CDK19: variants seen among roughly 807,000 people sequenced by gnomAD.
CDK19 encodes the protein cyclin dependent kinase 19, also known as cyclin-dependent kinase 19.
CDK19 carries 20 observed loss-of-function variants against 68.3 expected under a neutral mutation model. That is an observed-to-expected ratio of 0.29 (90% CI 0.21 to 0.43). CDK19 has a LOEUF of 0.43. CDK19 is among the 20% of genes least tolerant of loss of function. CDK19 has a pLI of 1.00. For missense variants in CDK19, 339 were observed against 623.5 expected (o/e 0.54, Z 4.86); for synonymous variants, 221 against 222.8 (o/e 0.99, Z 0.07).
At chr6:110,797,171 C>A (rs1367284639) in intron 1 of CDK19, among the ~76,000 whole-genome samples, 1 of 151,514 alleles carries the variant, frequency 6.6e-6, no homozygotes, top group African/African-American at 2.4e-5. Flanking sequence ...GAAACCCTGT[C>A]TCTACTAAAA....
intron 4 of CDK19, among the ~76,000 whole-genome samples, chr6:110,660,297 G>A (rs901091920): frequency 2.6e-5 from 4 of 152,166 alleles, no homozygotes; most frequent in Admixed American, 6.5e-5. Context: ...TACAGGAGCC[G>A]GGGCGAGTAC....
chr6:110,757,278 T>A (rs1778904220), intron 1 of CDK19, among the ~76,000 whole-genome samples: 1 of 152,036 alleles, frequency 6.6e-6, no homozygotes, highest in Non-Finnish European at 1.5e-5. Context: ...TACAAAAGGC[T>A]GAAGAAAGGG....
chr6:110,714,489 T>C (rs1176415785), intron 2 of CDK19, among the ~76,000 whole-genome samples: 1 of 152,176 alleles, frequency 6.6e-6, no homozygotes, highest in Non-Finnish European at 1.5e-5. Context: ...ATGTTTTCTA[T>C]AGTGGCTGTA....
chr6:110,794,398 G>GTTTGAAAC (rs199622324), intron 1 of CDK19, among the ~76,000 whole-genome samples: 1,692 of 120,424 alleles, frequency 0.014, 23 homozygotes, highest in African/African-American at 0.046. Flanking sequence ...CTCTCCAGTA[G>GTTTGAAAC]TTTGAAACTT....
At chr6:110,631,019 C>T (rs547771185) in intron 6 of CDK19, among the ~76,000 whole-genome samples, 1 of 152,180 alleles carries the variant, frequency 6.6e-6, no homozygotes, top group East Asian at 1.9e-4. Flanking sequence ...TGAGAGTTTC[C>T]TTTGTAGCTC....
intron 1 of CDK19, among the ~76,000 whole-genome samples, chr6:110,779,190 G>A (rs1043835471): frequency 1.3e-5 from 2 of 151,906 alleles, no homozygotes; most frequent in African/African-American, 2.4e-5. Context: ...TGTATCTGCA[G>A]CCTTACCTCC....
chr6:110,787,175 C>A (rs1781280648), intron 1 of CDK19, among the ~76,000 whole-genome samples: 1 of 152,118 alleles, frequency 6.6e-6, no homozygotes, highest in Non-Finnish European at 1.5e-5. Context: ...GAGTTCGAGA[C>A]CAGCCTTGGC....
At chr6:110,617,895 A>AAACACACTTTG (rs1196464920) in intron 12 of CDK19, among the ~76,000 whole-genome samples, 1 of 149,624 alleles carries the variant, frequency 6.7e-6, no homozygotes, top group Non-Finnish European at 1.5e-5. Flanking sequence ...AGACTACATG[A>AAACACACTTTG]AACACACTTT....
At chr6:110,738,211 T>C (rs1777392046) in intron 2 of CDK19, among the ~76,000 whole-genome samples, 1 of 152,030 alleles carries the variant, frequency 6.6e-6, no homozygotes, top group Admixed American at 6.6e-5. Flanking sequence ...TTGCACTCAG[T>C]GTAAAACATA....
intron 1 of CDK19, among the ~76,000 whole-genome samples, chr6:110,804,786 G>A (rs1233441244): frequency 6.7e-6 from 1 of 150,196 alleles, no homozygotes; most frequent in Non-Finnish European, 1.5e-5. Context: ...AAACCCCGTC[G>A]CTACTAAAAA....
chr6:110,759,418 A>ATATATATATATAT (rs1554219475), intron 1 of CDK19, among the ~76,000 whole-genome samples: 1 of 114,716 alleles, frequency 8.7e-6, no homozygotes, highest in African/African-American at 4.0e-5. Context: ...AAAAAAAAAA[A>ATATATATATATAT]AAAAAAAAAA....
intron 1 of CDK19, among the ~76,000 whole-genome samples, chr6:110,773,586 C>A (rs1780190364): frequency 2.0e-5 from 3 of 152,170 alleles, no homozygotes; most frequent in Admixed American, 2.0e-4. Flanking sequence ...TGGTATATAG[C>A]ATACATTATA....
chr6:110,746,697 C>T (rs1163419496), intron 1 of CDK19, among the ~76,000 whole-genome samples: 1 of 152,156 alleles, frequency 6.6e-6, no homozygotes, highest in Non-Finnish European at 1.5e-5. Flanking sequence ...TGGGGACATT[C>T]AAAAGCCCGA....
In CDK19 at chr6:110,804,938, A is replaced by G. The variant is rs932379890; in HGVS notation, c.128+10071T>C. Among the ~76,000 whole-genome samples the G allele has an allele frequency of 6.6e-5, 10 of 151,988 alleles. 1 individual carries two copies. The East Asian group carries it at 2.0e-3, about 30-fold the overall frequency. The stretch of plus-strand genomic sequence containing the variant: ...GCCACTGCACTCCAACCTGGGCGAC[A>G]GAACAAGACTTCGTCTCAAAACAAA... On this transcript the variant is annotated intron_variant, in intron 1 of 12. Transcript: ENST00000368911.
intron 4 of CDK19, among the ~76,000 whole-genome samples, chr6:110,648,643 C>T (rs112320876): frequency 3.3e-5 from 5 of 150,324 alleles, no homozygotes; most frequent in African/African-American, 1.2e-4. Flanking sequence ...CAGGTTCAAG[C>T]GATTCTCCTG....
chr6:110,646,667 CTA>C (rs1470715770), intron 4 of CDK19: 1 of 486,038 alleles, frequency 2.1e-6, no homozygotes, highest in African/African-American at 2.0e-5. Flanking sequence ...TTTGGCTTTG[CTA>C]TATGTCTCTC....
chr6:110,634,296 AACCTCT>A (rs942203558), intron 5 of CDK19, among the ~76,000 whole-genome samples: 1 of 152,184 alleles, frequency 6.6e-6, no homozygotes, highest in African/African-American at 2.4e-5. Flanking sequence ...AGCTCCCTGC[AACCTCT>A]ACCTCCTAGG....
chr6:110,675,844 G>T (rs1055525321), intron 2 of CDK19, among the ~76,000 whole-genome samples: 4 of 152,142 alleles, frequency 2.6e-5, no homozygotes, highest in Non-Finnish European at 5.9e-5. Flanking sequence ...CTCTGATTGA[G>T]ATGTACAAGG....
At chr6:110,652,840 A>G (rs1278770679) in intron 4 of CDK19, among the ~76,000 whole-genome samples, 1 of 152,174 alleles carries the variant, frequency 6.6e-6, no homozygotes, top group Non-Finnish European at 1.5e-5. Flanking sequence ...AAGCCTATGG[A>G]AGCTCTAAGT....
Sources: gnomAD v4.1 joint callset for allele counts (sites outside exome capture counted in the v4.1 genomes callset) on GRCh38, gnomAD v4.1.1 for gene constraint, MANE v1.5 for transcripts, NCBI Gene and HGNC (gene_info 2026-07-23, HGNC 2026-07-21) for gene names.